ACOXL: variants seen among roughly 807,000 people sequenced by gnomAD.
ACOXL encodes acyl-CoA oxidase like, also known as acyl-coenzyme A oxidase-like protein.
Under a neutral mutation model 71.9 loss-of-function variants are expected in ACOXL, and 70 were observed. The observed-to-expected ratio is 0.97, with a 90% CI of 0.80 to 1.19. The LOEUF (loss-of-function observed/expected upper bound fraction) is 1.19, where lower values mean the gene tolerates loss of function less well. Among genes scored for constraint, ACOXL ranks in the 50% most tolerant of loss-of-function variants. The pLI, the probability that ACOXL is intolerant of heterozygous loss-of-function variation, is 0.00. For missense variants in ACOXL, 703 were observed against 736.3 expected (o/e 0.95, Z 0.52); for synonymous variants, 253 against 281.6 (o/e 0.90, Z 1.02).
chr2:110,995,653 A>G (rs1480692107), intron 13 of ACOXL, among the ~76,000 whole-genome samples: 2 of 152,150 alleles, frequency 1.3e-5, no homozygotes, highest in African/African-American at 4.8e-5. Flanking sequence ...AAGTGGAACA[A>G]TTAGGAAACC....
intron 1 of ACOXL, among the ~76,000 whole-genome samples, chr2:110,737,773 C>A (rs147387148): frequency 6.6e-6 from 1 of 152,186 alleles, no homozygotes; most frequent in South Asian, 2.1e-4. Context: ...AGCTTCAGTC[C>A]GGATGGGCTC....
intron 17 of ACOXL, among the ~76,000 whole-genome samples, chr2:111,108,806 A>G (rs765719591): frequency 3.9e-5 from 6 of 152,176 alleles, no homozygotes; most frequent in Admixed American, 2.0e-4. Context: ...TTTTCCATCA[A>G]TTCCTCACCC....
At chr2:111,046,200 C>T (rs796126615) in intron 15 of ACOXL, among the ~76,000 whole-genome samples, 13 of 152,332 alleles carry the variant, frequency 8.5e-5, no homozygotes, top group African/African-American at 3.1e-4. Context: ...TTACACACAG[C>T]CTCACACCTG....
intron 12 of ACOXL, among the ~76,000 whole-genome samples, chr2:110,973,621 T>C (rs1461657442): frequency 6.6e-6 from 1 of 152,176 alleles, no homozygotes; most frequent in African/African-American, 2.4e-5. Flanking sequence ...TTATGGTATT[T>C]TGTTATAGCA....
At chr2:111,101,144 C>T (rs2069129148) in intron 17 of ACOXL, 1 of 152,602 alleles carries the variant, frequency 6.6e-6, no homozygotes, top group Non-Finnish European at 1.5e-5. Flanking sequence ...TGCTTGGCTC[C>T]TTTGAACGTA....
intron 12 of ACOXL, among the ~76,000 whole-genome samples, chr2:110,947,407 T>C (rs1391792291): frequency 6.6e-6 from 1 of 152,182 alleles, no homozygotes; most frequent in African/African-American, 2.4e-5. Flanking sequence ...TCCCTTGTCA[T>C]GGAAGGGGAG....
intron 16 of ACOXL, among the ~76,000 whole-genome samples, chr2:111,081,411 C>A (rs1167800901): frequency 6.6e-6 from 1 of 152,128 alleles, no homozygotes; most frequent in Non-Finnish European, 1.5e-5. Context: ...TGAGTGAACT[C>A]CCATTTAAAA....
At chr2:110,849,023 C>T (rs13017495) in intron 10 of ACOXL, among the ~76,000 whole-genome samples, 11,805 of 152,264 alleles carry the variant, frequency 0.078, 636 homozygotes, top group Admixed American at 0.15. Flanking sequence ...TGTCTCTCGC[C>T]GACCAGTGAA....
rs11898941 is a variant in ACOXL, at chr2:110,963,603, G to T, written c.1060-23505G>T. Reference sequence around the variant, plus strand: ...TGTGTGTGTGTGTGTGTGTGTGTGTGTTTTTCTCTTTCTGCAACAGGGTTA... The same window carrying T: ...TGTGTGTGTGTGTGTGTGTGTGTGTTTTTTTCTCTTTCTGCAACAGGGTTA... On this transcript the variant is annotated intron_variant, in intron 12 of 17. Transcript: ENST00000439055. 2,185 of 1,292,908 alleles carry T rather than the reference G, an allele frequency of 1.7e-3. 19 individuals carry two copies. The African/African-American group carries it at 0.025, about 15-fold the overall frequency. 80.1% of individuals were successfully genotyped at this position (1,292,908 alleles called of 1,614,324 possible).
At chr2:111,005,760 C>T (rs1419587474) in intron 14 of ACOXL, among the ~76,000 whole-genome samples, 2 of 152,058 alleles carry the variant, frequency 1.3e-5, no homozygotes, top group Non-Finnish European at 2.9e-5. Context: ...CTTGGAAGAT[C>T]ACCAATAGGA....
intron 12 of ACOXL, among the ~76,000 whole-genome samples, chr2:110,967,376 A>G (rs755450693): frequency 1.3e-5 from 2 of 152,206 alleles, no homozygotes; most frequent in Non-Finnish European, 2.9e-5. Flanking sequence ...ACAGAATCAC[A>G]CAGATCAGTG....
chr2:110,888,593 A>G (rs1414379714), intron 10 of ACOXL, among the ~76,000 whole-genome samples: 1 of 152,180 alleles, frequency 6.6e-6, no homozygotes, highest in Non-Finnish European at 1.5e-5. Context: ...AGGATACTGC[A>G]CGAATGTCCT....
intron 9 of ACOXL, among the ~76,000 whole-genome samples, chr2:110,831,757 A>G (rs1171850093): frequency 6.6e-6 from 1 of 152,204 alleles, no homozygotes; most frequent in Non-Finnish European, 1.5e-5. Context: ...CAGATTAGGC[A>G]TCCCAGAAAT....
intron 9 of ACOXL, among the ~76,000 whole-genome samples, chr2:110,831,107 A>G (rs1199124202): frequency 6.6e-6 from 1 of 152,206 alleles, no homozygotes; most frequent in Non-Finnish European, 1.5e-5. Flanking sequence ...ATCATTCTTA[A>G]TCAACACAGT....
chr2:110,967,051 A>G lies in ACOXL; in HGVS notation c.1060-20057A>G, dbSNP rs568259283. 3.9e-5 allele frequency among the ~76,000 whole-genome samples: 6 copies of G among 152,360 alleles called. No individual in the cohort carries two copies. The South Asian group carries it at 6.2e-4, about 16-fold the overall frequency. ...AATTGCAACTTAAATGAGAAAGTCA[A>G]TAGATGCGGATACCAAGAAGAATCC... On this transcript the variant is annotated intron_variant, in intron 12 of 17. Coordinates refer to ENST00000439055, the MANE Select transcript of ACOXL (RefSeq NM_001142807.4).
At chr2:111,032,291 G>A (rs1473006982) in intron 15 of ACOXL, among the ~76,000 whole-genome samples, 2 of 152,166 alleles carry the variant, frequency 1.3e-5, no homozygotes, top group African/African-American at 4.8e-5. Flanking sequence ...TGCCACTGGT[G>A]CGCAGTGGGT....
intron 7 of ACOXL, 88 bp downstream of exon 7, chr2:110,799,188 C>T: frequency 7.5e-7 from 1 of 1,334,330 alleles, no homozygotes; most frequent in Non-Finnish European, 1.1e-6. Flanking sequence ...CGTTATATTA[C>T]CGAAGCACTG....
rs565159564 is a variant in ACOXL, at chr2:111,010,405, C to A, written c.1281+14401C>A. 1.7e-4 allele frequency among the ~76,000 whole-genome samples: 26 copies of A among 152,032 alleles called. No individual in the cohort carries two copies. In the South Asian group the frequency reaches 3.1e-3, roughly 18 times the overall value. On this transcript the variant is annotated intron_variant, in intron 14 of 17. Coordinates refer to ENST00000439055, the MANE Select transcript of ACOXL (RefSeq NM_001142807.4). ...ACCTGATTAATAGAAATCATTTGAA[C>A]TAAAACACATAAAGAAAAATATTGA... is the stretch of plus-strand genomic sequence containing the variant.
intron 9 of ACOXL, among the ~76,000 whole-genome samples, chr2:110,816,923 C>G (rs901787271): frequency 9.9e-5 from 15 of 152,228 alleles, no homozygotes; most frequent in Admixed American, 9.2e-4. Flanking sequence ...TCTTGCTCAC[C>G]CGTTGCCTGG....
Sources: gnomAD v4.1 joint callset for allele counts (sites outside exome capture counted in the v4.1 genomes callset) on GRCh38, gnomAD v4.1.1 for gene constraint, MANE v1.5 for transcripts, NCBI Gene and HGNC (gene_info 2026-07-23, HGNC 2026-07-21) for gene names.